Variants in CNTN3 observed in about 807,000 individuals in gnomAD.
CNTN3 encodes contactin 3.
In CNTN3, 60 loss-of-function variants were observed where a neutral mutation model predicts 119.1. The ratio of observed to expected loss-of-function variants is 0.50; its 90% CI spans 0.41 to 0.62. The LOEUF is 0.62. CNTN3 is among the 20% of genes least tolerant of loss of function. The pLI is 0.00. For synonymous variants in CNTN3, 450 were observed against 438.7 expected (o/e 1.03, Z -0.32); for missense variants, 1,101 against 1,242.4 (o/e 0.89, Z 1.71).
intron 20 of CNTN3, among the ~76,000 whole-genome samples, chr3:74,274,769 A>G (rs1353579285): frequency 6.6e-6 from 1 of 152,158 alleles, no homozygotes; most frequent in Non-Finnish European, 1.5e-5. Flanking sequence ...CAAAAATCAT[A>G]CTAGCTCACC....
At chr3:74,418,933 T>C (rs1446572382) in intron 5 of CNTN3, among the ~76,000 whole-genome samples, 1 of 151,338 alleles carries the variant, frequency 6.6e-6, no homozygotes, top group Non-Finnish European at 1.5e-5. Flanking sequence ...GGACTATAGG[T>C]GCACGCACCA....
intron 19 of CNTN3, among the ~76,000 whole-genome samples, chr3:74,286,490 C>G (rs1366354042): frequency 6.6e-6 from 1 of 151,992 alleles, no homozygotes; most frequent in Non-Finnish European, 1.5e-5. Flanking sequence ...TAGAATTAAG[C>G]TGAAGACTTA....
At chr3:74,470,518 T>C (rs1000744822) in intron 4 of CNTN3, among the ~76,000 whole-genome samples, 1 of 152,048 alleles carries the variant, frequency 6.6e-6, no homozygotes, top group African/African-American at 2.4e-5. Flanking sequence ...CTACATGCTG[T>C]CACAGTCAGA....
At chr3:74,331,516 G>C (rs1368488387) in intron 13 of CNTN3, among the ~76,000 whole-genome samples, 1 of 152,146 alleles carries the variant, frequency 6.6e-6, no homozygotes, top group Non-Finnish European at 1.5e-5. Context: ...TGTGAAAAGA[G>C]ATCCGAAAAT....
chr3:74,570,701 G>A (rs1056853484), intron 1 of CNTN3, among the ~76,000 whole-genome samples: 2 of 152,130 alleles, frequency 1.3e-5, no homozygotes, highest in African/African-American at 4.8e-5. Flanking sequence ...TAAAAACTAA[G>A]GATATGAGAG....
chr3:74,475,357 G>C (rs1702635808), intron 4 of CNTN3, among the ~76,000 whole-genome samples: 1 of 152,192 alleles, frequency 6.6e-6, no homozygotes, highest in African/African-American at 2.4e-5. Flanking sequence ...AAATTCTACA[G>C]CTTACACCGT....
At chr3:74,350,187 G>T (rs1191141913) in intron 11 of CNTN3, among the ~76,000 whole-genome samples, 1 of 152,018 alleles carries the variant, frequency 6.6e-6, no homozygotes, top group Non-Finnish European at 1.5e-5. Flanking sequence ...TCAGTTGATT[G>T]TTCTAAAAAA....
intron 1 of CNTN3, among the ~76,000 whole-genome samples, chr3:74,537,997 T>G (rs1703789808): frequency 6.6e-6 from 1 of 152,054 alleles, no homozygotes; most frequent in African/African-American, 2.4e-5. Context: ...CCATGGCCCA[T>G]CCTTCTAAGT....
At chr3:74,544,097 G>A (rs6549626) in intron 1 of CNTN3, among the ~76,000 whole-genome samples, 151,240 of 152,324 alleles carry the variant, frequency 0.99, 75,090 homozygotes, top group Middle Eastern at 1. Flanking sequence ...AGTCAGAAAG[G>A]ACACAAACTG....
intron 19 of CNTN3, among the ~76,000 whole-genome samples, chr3:74,288,145 TTTTC>T (rs1702150525): frequency 7.5e-6 from 1 of 134,120 alleles, no homozygotes; most frequent in South Asian, 2.5e-4. Context: ...ATCTTTTTTC[TTTTC>T]TTTTCTTTTC....
chr3:74,282,470 T>A (rs1033500510), intron 20 of CNTN3, among the ~76,000 whole-genome samples: 3 of 152,220 alleles, frequency 2.0e-5, no homozygotes, highest in African/African-American at 7.2e-5. Context: ...GTTTCATTCA[T>A]CCATTCAACA....
At chr3:74,421,668 G>C (rs776295440) in intron 5 of CNTN3, among the ~76,000 whole-genome samples, 1 of 152,098 alleles carries the variant, frequency 6.6e-6, no homozygotes, top group Non-Finnish European at 1.5e-5. Context: ...ACAAAGTATG[G>C]GAGACAGAGA....
At position 74,269,341 on chromosome 3, in the gene CNTN3, A is replaced by G. The variant is rs573599435; in HGVS notation, c.2705-1963T>C. ...TTCTAAATTTTTATAATGTTCGCGA[A>G]CTACCTTAAGATCATCTCTTACCAC... On this transcript the variant is annotated intron_variant, in intron 20 of 22. Transcript: ENST00000263665. Among the ~76,000 whole-genome samples the G allele has an allele frequency of 2.6e-5, 4 of 152,240 alleles. No homozygotes were observed. The South Asian group carries it at 8.3e-4, about 32-fold the overall frequency.
At chr3:74,413,408 T>C (rs1227046020) in intron 5 of CNTN3, among the ~76,000 whole-genome samples, 1 of 152,164 alleles carries the variant, frequency 6.6e-6, no homozygotes, top group East Asian at 1.9e-4. Flanking sequence ...TTCATATACA[T>C]ATACAAAATG....
chr3:74,439,265 G>T (rs1701921418), intron 4 of CNTN3, among the ~76,000 whole-genome samples: 1 of 152,056 alleles, frequency 6.6e-6, no homozygotes, highest in Admixed American at 6.6e-5. Context: ...CTAGCACTTT[G>T]GGAGGCCAAG....
At chr3:74,494,074 T>C (rs1256361455) in intron 3 of CNTN3, among the ~76,000 whole-genome samples, 4 of 152,140 alleles carry the variant, frequency 2.6e-5, no homozygotes, top group African/African-American at 9.7e-5. Flanking sequence ...TTACAGATGT[T>C]TTCCCTTATT....
chr3:74,326,794 TTTTA>T (rs1405919603), intron 13 of CNTN3, among the ~76,000 whole-genome samples: 3 of 152,186 alleles, frequency 2.0e-5, no homozygotes, highest in Non-Finnish European at 4.4e-5. Context: ...CATAGTCACC[TTTTA>T]TTTGTTTCAT....
chr3:74,552,158 C>T (rs1373110006), intron 1 of CNTN3, among the ~76,000 whole-genome samples: 7 of 152,030 alleles, frequency 4.6e-5, no homozygotes, highest in African/African-American at 1.7e-4. Context: ...AATAATATTC[C>T]ACTTTATGGT....
intron 11 of CNTN3, among the ~76,000 whole-genome samples, chr3:74,358,581 CTTT>C (rs1278876442): frequency 7.6e-6 from 1 of 130,940 alleles, no homozygotes; most frequent in East Asian, 2.3e-4. Context: ...GAAGTGTATT[CTTT>C]TTTTTTTTTT....
Sources: allele counts gnomAD v4.1 joint callset (sites outside exome capture counted in the v4.1 genomes callset), GRCh38; gene constraint gnomAD v4.1.1; transcripts MANE v1.5; gene names NCBI Gene and HGNC (gene_info 2026-07-23, HGNC 2026-07-21).